Variants in ZNF654 observed in about 807,000 individuals in gnomAD.
ZNF654 encodes the protein zinc finger protein 654, also known as melanoma-associated antigen.
In ZNF654, 19 loss-of-function variants were observed where a neutral mutation model predicts 95.3. The ratio of observed to expected loss-of-function variants is 0.20; its 90% CI spans 0.14 to 0.29. The LOEUF is 0.29. Ranked by LOEUF, ZNF654 falls within the 10% of genes least tolerant of loss-of-function variation. The pLI, the probability that ZNF654 is intolerant of heterozygous loss-of-function variation, is 1.00. For synonymous variants in ZNF654, 413 were observed against 457.9 expected (o/e 0.90, Z 1.25); for missense variants, 1,046 against 1,341.0 (o/e 0.78, Z 3.44).
chr3:88,077,239 G>C (rs760432317), intron 1 of ZNF654, among the ~76,000 whole-genome samples: 4 of 151,712 alleles, frequency 2.6e-5, no homozygotes, highest in Non-Finnish European at 4.4e-5. Context: ...ACTCATCTCT[G>C]TTTCACTCAC....
chr3:88,107,454 A>AT (rs1369152928), intron 2 of ZNF654, among the ~76,000 whole-genome samples: 1 of 152,122 alleles, frequency 6.6e-6, no homozygotes, highest in Non-Finnish European at 1.5e-5. Flanking sequence ...TTTATAGTTT[A>AT]TTATGATTAG....
chr3:88,124,517 C>T (rs1026532138), intron 3 of ZNF654, among the ~76,000 whole-genome samples: 5 of 152,098 alleles, frequency 3.3e-5, no homozygotes, highest in South Asian at 2.1e-4. Flanking sequence ...AGGAATGCAA[C>T]GTGGCATATA....
At chr3:88,131,394 T>C (rs1191022954) in intron 6 of ZNF654, among the ~76,000 whole-genome samples, 1 of 152,206 alleles carries the variant, frequency 6.6e-6, no homozygotes, top group East Asian at 1.9e-4. Flanking sequence ...ACAGTTATAA[T>C]AGATCTTTTC....
At chr3:88,137,194 CAAAAAA>C (rs11401199) in intron 7 of ZNF654, among the ~76,000 whole-genome samples, 1 of 70,724 alleles carries the variant, frequency 1.4e-5, no homozygotes, top group East Asian at 4.8e-4. Context: ...GACTCTGTCT[CAAAAAA>C]AAAAAAAAAA....
intron 3 of ZNF654, among the ~76,000 whole-genome samples, chr3:88,118,400 G>A (rs1705545521): frequency 6.6e-6 from 1 of 152,120 alleles, no homozygotes; most frequent in Non-Finnish European, 1.5e-5. Flanking sequence ...AGGTAAAAGA[G>A]CCAGCCACAT....
At chr3:88,129,617 A>C in intron 5 of ZNF654, 70 bp from the exon 6 acceptor site, 1 of 1,194,166 alleles carries the variant, frequency 8.4e-7, no homozygotes, top group Non-Finnish European at 1.1e-6. Flanking sequence ...TTGAATGTTT[A>C]AACATTTATT....
intron 2 of ZNF654, among the ~76,000 whole-genome samples, chr3:88,104,093 AAG>A (rs1704597133): frequency 6.6e-6 from 1 of 152,060 alleles, no homozygotes; most frequent in African/African-American, 2.4e-5. Context: ...TCTAAAGTAA[AAG>A]AGAGAGATGT....
intron 3 of ZNF654, among the ~76,000 whole-genome samples, chr3:88,118,746 CTG>C (rs995164356): frequency 2.6e-5 from 4 of 152,182 alleles, no homozygotes; most frequent in African/African-American, 4.8e-5. Context: ...ATTTTCAAAA[CTG>C]TGCTACCATA....
At chr3:88,079,416 ATAT>A in intron 1 of ZNF654, among the ~76,000 whole-genome samples, 1 of 152,236 alleles carries the variant, frequency 6.6e-6, no homozygotes, top group East Asian at 1.9e-4. Flanking sequence ...CTGCCTTATA[ATAT>A]TTGATGGGAC....
At position 88,077,331 on chromosome 3, in the gene ZNF654, A is replaced by ATTTT. The variant is rs372006323; in HGVS notation, c.187-8924_187-8923insTTTT. ...AAAAGAGAAAAAGTTGCAGACTTAA[A>ATTTT]TTGTTTTTTTTTTTTTTTTTGAGAC... On this transcript the variant is annotated intron_variant, in intron 1 of 8. Coordinates refer to ENST00000636215, the MANE Select transcript of ZNF654 (RefSeq NM_001350134.2). 3.6e-5 allele frequency among the ~76,000 whole-genome samples: 5 copies of ATTTT among 139,690 alleles called. 1 individual carries two copies. Among genetic ancestry groups the ATTTT allele is most frequent in the Non-Finnish European group, 3.1e-5 (2 of 64,112 alleles). 91.6% of individuals were successfully genotyped at this position (139,690 alleles called of 152,430 possible). A position where few individuals can be genotyped will look rare whatever the true frequency, so the allele number is the denominator to read the frequency against.
chr3:88,135,457 G>T, intron 7 of ZNF654: 1 of 256,180 alleles, frequency 3.9e-6, no homozygotes, highest in South Asian at 1.5e-4. Flanking sequence ...TTAAATATTT[G>T]TTACTTTCAA....
intron 2 of ZNF654, chr3:88,095,457 G>T (rs779109831): frequency 5.4e-6 from 2 of 372,764 alleles, no homozygotes; most frequent in Non-Finnish European, 1.0e-5. Flanking sequence ...CTCAAGGTAC[G>T]CATGCAACAT....
chr3:88,080,088 A>G (rs2107642645), intron 1 of ZNF654, among the ~76,000 whole-genome samples: 1 of 152,194 alleles, frequency 6.6e-6, no homozygotes, highest in African/African-American at 2.4e-5. Flanking sequence ...AAAAACAGTG[A>G]ATCTTCAGGT....
intron 2 of ZNF654, among the ~76,000 whole-genome samples, chr3:88,106,777 A>C (rs1445274030): frequency 1.3e-5 from 2 of 152,288 alleles, no homozygotes; most frequent in Admixed American, 6.5e-5. Flanking sequence ...ATCATAGTTA[A>C]ACATTTCTCA....
chr3:88,097,296 T>A (rs1197935148), intron 2 of ZNF654, among the ~76,000 whole-genome samples: 1 of 152,092 alleles, frequency 6.6e-6, no homozygotes, highest in East Asian at 1.9e-4. Flanking sequence ...TCTGTAAAGG[T>A]TGAACCAATT....
chr3:88,126,449 T>C (rs4858933), intron 4 of ZNF654, among the ~76,000 whole-genome samples, 180 bp downstream of exon 4: 143,115 of 152,154 alleles, frequency 0.94, 67,835 homozygotes, highest in Non-Finnish European at 1. Context: ...TTCTGACACC[T>C]GGATCGGTAC....
rs1703993781 is a variant in ZNF654 at position 88,095,341 on chromosome 3, G to A, written c.332+8939G>A. 1.9e-5 allele frequency: 5 copies of A among 265,388 alleles called. No individual in the cohort carries two copies. In the South Asian group the frequency reaches 2.0e-4, roughly 10 times the overall value. The allele number at this position is 265,388 out of a possible 1,614,324, so 16.4% of individuals were successfully genotyped here. A position where few individuals can be genotyped will look rare whatever the true frequency, so the allele number is the denominator to read the frequency against. ...ATATGTTTAGGATAGAAAGGGGTGG[G>A]GAGAAAGGAAGAGACAGGAATGTGA... is the stretch of plus-strand genomic sequence containing the variant. On this transcript the variant is annotated intron_variant, in intron 2 of 8. Transcript: ENST00000636215.
chr3:88,070,427 TTC>T (rs1707437859), intron 1 of ZNF654, among the ~76,000 whole-genome samples: 1 of 152,076 alleles, frequency 6.6e-6, no homozygotes, highest in Non-Finnish European at 1.5e-5. Flanking sequence ...AGATCCAAAT[TTC>T]TTTTTTTTTT....
At chr3:88,075,861 A>G (rs1361411117) in intron 1 of ZNF654, among the ~76,000 whole-genome samples, 1 of 152,148 alleles carries the variant, frequency 6.6e-6, no homozygotes, top group Non-Finnish European at 1.5e-5. Context: ...AAAGCATTCA[A>G]TATCAAGCAA....
Sources: allele counts gnomAD v4.1 joint callset (sites outside exome capture counted in the v4.1 genomes callset), GRCh38; gene constraint gnomAD v4.1.1; transcripts MANE v1.5; gene names NCBI Gene and HGNC (gene_info 2026-07-23, HGNC 2026-07-21).